Variants in NFIB observed in about 807,000 individuals in gnomAD.
NFIB encodes the protein nuclear factor 1 B-type.
Under a neutral mutation model 61.5 loss-of-function variants are expected in NFIB, and 11 were observed. The ratio of observed to expected loss-of-function variants is 0.18; its 90% CI spans 0.11 to 0.30. The LOEUF (loss-of-function observed/expected upper bound fraction) is 0.30. Among genes scored for constraint, NFIB ranks in the 10% least tolerant of loss-of-function variants. The pLI is 1.00. For synonymous variants in NFIB, 260 were observed against 216.5 expected (o/e 1.20, Z -1.76); for missense variants, 471 against 608.9 (o/e 0.77, Z 2.38).
intron 1 of NFIB, among the ~76,000 whole-genome samples, chr9:14,326,330 G>A (rs186563343): frequency 6.4e-4 from 98 of 152,284 alleles, no homozygotes; most frequent in Non-Finnish European, 1.2e-3. Flanking sequence ...TTGTGGAAAA[G>A]ACTTCAAGAA....
intron 2 of NFIB, among the ~76,000 whole-genome samples, chr9:14,263,497 C>T (rs1196610561): frequency 6.6e-6 from 1 of 152,154 alleles, no homozygotes; most frequent in East Asian, 1.9e-4. Flanking sequence ...AAAACATAAA[C>T]TTATTTTAAA....
intron 2 of NFIB, among the ~76,000 whole-genome samples, chr9:14,289,330 T>C (rs1427801923): frequency 1.3e-5 from 2 of 151,312 alleles, no homozygotes; most frequent in African/African-American, 2.4e-5. Flanking sequence ...CCACTGTATA[T>C]TGCCTTATAG....
chr9:14,462,803 G>C, the NFIB span, among the ~76,000 whole-genome samples: 14 of 152,200 alleles, frequency 9.2e-5, no homozygotes, highest in Non-Finnish European at 1.5e-4. Flanking sequence ...TTATTAGAAA[G>C]TTCTGGGATT....
At position 14,120,661 on chromosome 9, in the gene NFIB, C is replaced by T. The variant is rs768487391; in HGVS notation, c.1061-37G>A. 6.5e-7 allele frequency: 1 copy of T among 1,545,832 alleles called. No individual in the cohort carries two copies. Among genetic ancestry groups the T allele is most frequent in the Non-Finnish European group, 8.7e-7 (1 of 1,147,842 alleles). The stretch of plus-strand genomic sequence containing the variant: ...AGAAAAGGAAAGATTGACTCATCAG[C>T]TGGTTACCTTATTGCTCCATTCTGA... On this transcript the variant is annotated intron_variant, in intron 7 of 10. Coordinates refer to ENST00000380953, the MANE Select transcript of NFIB (RefSeq NM_001190737.2). The surrounding 1 kb of genome is among the most constrained non-coding windows in gnomAD (Gnocchi z 4.4).
chr9:14,424,876 G>C, the NFIB span, among the ~76,000 whole-genome samples: 1 of 152,182 alleles, frequency 6.6e-6, no homozygotes, highest in Non-Finnish European at 1.5e-5. Flanking sequence ...GCAAGAAGAG[G>C]AAGTGGGAAG....
At chr9:14,442,840 T>C in the NFIB span, among the ~76,000 whole-genome samples, 1 of 152,276 alleles carries the variant, frequency 6.6e-6, no homozygotes, top group African/African-American at 2.4e-5. Context: ...TGAGCTGCTA[T>C]TTTTATTAGT....
intron 6 of NFIB, among the ~76,000 whole-genome samples, chr9:14,133,419 C>A (rs190818013): frequency 2.6e-4 from 40 of 152,234 alleles, no homozygotes; most frequent in African/African-American, 8.7e-4. Context: ...AGAAAAGAAC[C>A]ATCTGTATAA....
intron 2 of NFIB, among the ~76,000 whole-genome samples, chr9:14,208,528 G>A (rs946649236): frequency 6.7e-6 from 1 of 149,692 alleles, no homozygotes; most frequent in Non-Finnish European, 1.5e-5. Flanking sequence ...AAGTTGTAAT[G>A]TGTTCATTTT....
At chr9:14,402,939 G>C (rs1223853550), upstream of NFIB, among the ~76,000 whole-genome samples, 6 of 152,054 alleles carry the variant, frequency 3.9e-5, no homozygotes, top group African/African-American at 1.2e-4. Context: ...TTTCTAAAAA[G>C]GAAAAAAGCT....
rs914993466 is a variant in NFIB, at chr9:14,307,812, C to G, written c.31-292G>C. ...TGGCCCCATCCCCCTTGTTTCCACC[C>G]CAATGCCATGCATTCTACATTCTTT... On this transcript the variant is annotated intron_variant, in intron 1 of 10. Coordinates refer to ENST00000380953, the MANE Select transcript of NFIB (RefSeq NM_001190737.2). The surrounding 1 kb of genome is among the most constrained non-coding windows in gnomAD (Gnocchi z 5.3). The G allele has an allele frequency of 8.0e-6, 2 of 251,502 alleles. No individual in the cohort carries two copies. Among genetic ancestry groups the G allele is most frequent in the Non-Finnish European group, 7.7e-6 (1 of 129,874 alleles). The allele number at this position is 251,502 out of a possible 1,614,324, so 15.6% of individuals were successfully genotyped here.
chr9:14,440,913 G>C, the NFIB span, among the ~76,000 whole-genome samples: 1 of 152,072 alleles, frequency 6.6e-6, no homozygotes. Flanking sequence ...GAAATATGCA[G>C]AACAGTTTGA....
intron 3 of NFIB, among the ~76,000 whole-genome samples, chr9:14,177,735 C>T (rs1040006118): frequency 3.9e-5 from 6 of 151,942 alleles, no homozygotes; most frequent in African/African-American, 1.5e-4. Context: ...GACACAGTCT[C>T]AAAAAGGTTT....
intron 1 of NFIB, among the ~76,000 whole-genome samples, chr9:14,377,187 T>C (rs1249606265): frequency 6.6e-6 from 1 of 152,202 alleles, no homozygotes; most frequent in Non-Finnish European, 1.5e-5. Flanking sequence ...ATAAAAATTC[T>C]TTTGTTTCAC....
chr9:14,469,401 G>A, the NFIB span, among the ~76,000 whole-genome samples: 1 of 152,132 alleles, frequency 6.6e-6, no homozygotes, highest in Non-Finnish European at 1.5e-5. Flanking sequence ...ATGTGGATTC[G>A]GAACCCATCT....
intron 2 of NFIB, among the ~76,000 whole-genome samples, chr9:14,306,637 G>A (rs886845329): frequency 7.9e-5 from 12 of 152,138 alleles, no homozygotes; most frequent in African/African-American, 2.7e-4. Flanking sequence ...AAGATTACTA[G>A]ATTAGATGCA....
intron 6 of NFIB, among the ~76,000 whole-genome samples, chr9:14,145,147 C>G (rs915101919): frequency 6.6e-6 from 1 of 151,920 alleles, no homozygotes; most frequent in African/African-American, 2.4e-5. Context: ...GTCTCACAGT[C>G]AAAACTCTCC....
the NFIB span, among the ~76,000 whole-genome samples, chr9:14,463,773 G>A: frequency 1.4e-5 from 2 of 146,462 alleles, no homozygotes; most frequent in Non-Finnish European, 3.0e-5. Context: ...CCATTCTCCT[G>A]CCTCAGCCTC....
intron 1 of NFIB, among the ~76,000 whole-genome samples, chr9:14,382,161 T>C (rs1464281980): frequency 6.6e-6 from 1 of 152,122 alleles, no homozygotes; most frequent in East Asian, 1.9e-4. Context: ...ACTAGCTGAA[T>C]TGTTGAGTTA....
intron 1 of NFIB, among the ~76,000 whole-genome samples, chr9:14,366,248 A>G (rs537369725): frequency 2.6e-4 from 39 of 152,256 alleles, no homozygotes; most frequent in African/African-American, 7.0e-4. Context: ...ACACCACCAC[A>G]GCCGAGGCCC....
Sources: gnomAD v4.1 joint callset for allele counts (sites outside exome capture counted in the v4.1 genomes callset) on GRCh38, gnomAD v4.1.1 for gene constraint, Gnocchi (gnomAD v3.1) non-coding constraint, MANE v1.5 for transcripts, NCBI Gene and HGNC (gene_info 2026-07-23, HGNC 2026-07-21) for gene names.